OR6B1: variants seen among roughly 807,000 people sequenced by gnomAD.
The protein encoded by OR6B1 is olfactory receptor 6B1.
A neutral mutation model predicts 15.4 loss-of-function variants in OR6B1; 15 were observed. The observed-to-expected ratio is 0.97, with a 90% CI of 0.65 to 1.50. The LOEUF is 1.50. OR6B1 is among the 40% of genes most tolerant of loss of function. The pLI, the probability that OR6B1 is intolerant of heterozygous loss-of-function variation, is 0.00. For missense variants in OR6B1, 384 were observed against 385.0 expected (o/e 1.00, Z 0.02); for synonymous variants, 139 against 144.9 (o/e 0.96, Z 0.29).
rs1222591109 is a variant in OR6B1 at position 144,008,780 on chromosome 7, G to A, written c.*3848G>A. On this transcript the variant is annotated 3_prime_UTR_variant, in exon 2 of 2. Transcript: ENST00000641698. ...ATGTGGAACTGTAAGTCAATTAAACGTTTTTAAAGTAAATTACCCAGTCTT... is the reference window on the plus strand; with the variant it reads ...ATGTGGAACTGTAAGTCAATTAAACATTTTTAAAGTAAATTACCCAGTCTT... 2.0e-5 allele frequency: 3 copies of A among 152,118 alleles called. No homozygotes were observed. The highest frequency in any genetic ancestry group is 2.0e-4 in the South Asian group (1 of 4,894). The allele number at this position is 152,118 out of a possible 1,614,324, so 9.4% of individuals were successfully genotyped here. A position where few individuals can be genotyped will look rare whatever the true frequency, so the allele number is the denominator to read the frequency against.
rs769030344 is a variant in OR6B1, at chr7:144,004,505, G to A, written c.509G>A (p.Gly170Asp). 1.2e-6 allele frequency: 2 copies of A among 1,614,008 alleles called. No individual in the cohort carries two copies. The highest frequency in any genetic ancestry group is 2.2e-5 in the South Asian group (2 of 91,088). Residue 170 changes from glycine (G) to aspartate (D), a missense_variant, in exon 2 of 2, where the codon GGT (glycine) becomes GAT (aspartate). Coordinates refer to ENST00000641698, the MANE Select transcript of OR6B1 (RefSeq NM_001005281.3). Reference protein sequence around the residue: ...IYFISCLSFCGPNVINHFFCD... With the variant: ...IYFISCLSFCDPNVINHFFCD... ...TTCATCTCCTGCCTCAGCTTCTGTG[G>A]TCCCAATGTCATCAACCACTTCTTC...
At chr7:144,001,707 C>T (rs539067001) in intron 1 of OR6B1, among the ~76,000 whole-genome samples, 2 of 152,252 alleles carry the variant, frequency 1.3e-5, no homozygotes, top group Admixed American at 1.3e-4. Context: ...TCTTTCCATC[C>T]ATCTCTTTTC....
chr7:144,004,610 T>A lies in OR6B1; in HGVS notation c.614T>A (p.Val205Asp), dbSNP rs1188423447. 5 of 1,614,074 alleles carry A rather than the reference T, an allele frequency of 3.1e-6. No homozygotes were observed. Among genetic ancestry groups the A allele is most frequent in the Admixed American group, 3.3e-5 (2 of 60,000 alleles). Reference protein sequence around the residue: ...TELVDFILALVIFLFPLFITV... With the variant: ...TELVDFILALDIFLFPLFITV... ...TTGGTAGACTTTATCCTGGCACTGGTCATCTTCCTATTCCCACTCTTTATT... is the reference window on the plus strand; with the variant it reads ...TTGGTAGACTTTATCCTGGCACTGGACATCTTCCTATTCCCACTCTTTATT... The change falls in exon 2 of 2, where the codon GTC becomes GAC. Residue 205 changes from valine (V) to aspartate (D), a missense_variant. Physicochemically the swap from Val to Asp is radical, Grantham distance 152. Transcript: ENST00000641698.
chr7:144,006,319 A>G lies in OR6B1; in HGVS notation c.*1387A>G, dbSNP rs1422049550. On this transcript the variant is annotated 3_prime_UTR_variant, in exon 2 of 2. Coordinates refer to ENST00000641698, the MANE Select transcript of OR6B1 (RefSeq NM_001005281.3). Reference sequence around the variant, plus strand: ...AGAAAACATACTTCTTTAGAAGCCAAGTATGAAAGCTAGTTGTAAAGGAAT... The same window carrying G: ...AGAAAACATACTTCTTTAGAAGCCAGGTATGAAAGCTAGTTGTAAAGGAAT... The G allele has an allele frequency of 6.6e-6, 1 of 152,212 alleles. No homozygotes were observed. Among genetic ancestry groups the G allele is most frequent in the East Asian group, 1.9e-4 (1 of 5,196 alleles). The allele number at this position is 152,212 out of a possible 1,614,324, so 9.4% of individuals were successfully genotyped here. A position where few individuals can be genotyped will look rare whatever the true frequency, so the allele number is the denominator to read the frequency against.
At chr7:144,003,642 A>C (rs1586858974) in intron 1 of OR6B1, among the ~76,000 whole-genome samples, 1 of 152,186 alleles carries the variant, frequency 6.6e-6, no homozygotes, top group East Asian at 1.9e-4. Context: ...CAGATGGTGC[A>C]AGATATTAGA....
rs1249179808 is a variant in OR6B1 at position 144,007,087 on chromosome 7, C to G, written c.*2155C>G. 6.6e-6 allele frequency: 1 copy of G among 152,108 alleles called. No homozygotes were observed. Among genetic ancestry groups the G allele is most frequent in the Non-Finnish European group, 1.5e-5 (1 of 68,014 alleles). The allele number at this position is 152,108 out of a possible 1,614,324, so 9.4% of individuals were successfully genotyped here. ...CCTGGGAGGCTACAACTATCAGAGG[C>G]AGTTTATTTCTTTATTATTTCTCAT... On this transcript the variant is annotated 3_prime_UTR_variant, in exon 2 of 2. Coordinates refer to ENST00000641698, the MANE Select transcript of OR6B1 (RefSeq NM_001005281.3).
intron 1 of OR6B1, among the ~76,000 whole-genome samples, chr7:144,001,646 A>G (rs1429149278): frequency 1.3e-5 from 2 of 152,166 alleles, no homozygotes; most frequent in Non-Finnish European, 2.9e-5. Context: ...TAATTCTTAA[A>G]TGCCTCACTA....
Position 144,005,404 on chromosome 7 carries a change from A to G in OR6B1, c.*472A>G, listed in dbSNP as rs2050617904. Reference sequence around the variant, plus strand: ...AGAGACTGCTTCCTGAGTTTTTGCAACACTTTTTGCAAGCACTTACTAACC... The same window carrying G: ...AGAGACTGCTTCCTGAGTTTTTGCAGCACTTTTTGCAAGCACTTACTAACC... On this transcript the variant is annotated 3_prime_UTR_variant, in exon 2 of 2. Transcript: ENST00000641698. The G allele has an allele frequency of 6.4e-6, 1 of 156,302 alleles. No homozygotes were observed. The highest frequency in any genetic ancestry group is 2.4e-5 in the African/African-American group (1 of 41,486). The allele number at this position is 156,302 out of a possible 1,614,324, so 9.7% of individuals were successfully genotyped here.
At chr7:144,003,923 A>G (rs550091778) in intron 1 of OR6B1, 49 bp from the exon 2 acceptor site, 3 of 994,176 alleles carry the variant, frequency 3.0e-6, no homozygotes, top group East Asian at 4.9e-5. Context: ...CAAGTATGGA[A>G]AAATATAGCT....
Position 144,006,929 on chromosome 7 carries a change from C to T in OR6B1, c.*1997C>T, listed in dbSNP as rs572476912. 9.2e-5 allele frequency: 14 copies of T among 152,234 alleles called. No homozygotes were observed. The East Asian group carries it at 2.3e-3, about 25-fold the overall frequency. 9.4% of individuals were successfully genotyped at this position (152,234 alleles called of 1,614,324 possible). On this transcript the variant is annotated 3_prime_UTR_variant, in exon 2 of 2. Coordinates refer to ENST00000641698, the MANE Select transcript of OR6B1 (RefSeq NM_001005281.3). ...GACATTGATTGTTAAATATCTTGGG[C>T]AGTGCATGATCTAAGCAAGCTGCCA...
rs1278186169 is a variant in OR6B1 at position 144,004,070 on chromosome 7, C to A, written c.74C>A (p.Ala25Glu). The part of the protein sequence containing the change: ...VGFPGSLSMR[A>E]AMFLIFLVAY... Reference sequence around the variant, plus strand: ...TTCCCTGGGAGCTTGAGTATGCGGGCAGCCATGTTTCTGATATTCCTTGTG... The same window carrying A: ...TTCCCTGGGAGCTTGAGTATGCGGGAAGCCATGTTTCTGATATTCCTTGTG... Residue 25 changes from alanine (A) to glutamate (E), a missense_variant, in exon 2 of 2, where the codon GCA (alanine) becomes GAA (glutamate). By Grantham distance (107) the Ala-to-Glu change is moderately radical (BLOSUM62 -1). Coordinates refer to ENST00000641698, the MANE Select transcript of OR6B1 (RefSeq NM_001005281.3). 1 of 1,614,034 alleles carries A rather than the reference C, an allele frequency of 6.2e-7. No individual in the cohort carries two copies. Among genetic ancestry groups the A allele is most frequent in the Non-Finnish European group, 8.5e-7 (1 of 1,179,994 alleles).
chr7:144,000,976 C>T (rs917708756), intron 1 of OR6B1, among the ~76,000 whole-genome samples: 2 of 152,218 alleles, frequency 1.3e-5, no homozygotes, highest in African/African-American at 2.4e-5. Context: ...GTGCTGCAAC[C>T]ACCACATCTT....
At chr7:144,003,773 T>TCTCACACACACA (rs1554405844) in intron 1 of OR6B1, among the ~76,000 whole-genome samples, 199 bp from the exon 2 acceptor site, 19 of 140,230 alleles carry the variant, frequency 1.4e-4, no homozygotes, top group Admixed American at 5.1e-4. Context: ...ACAGATACAA[T>TCTCACACACACA]CACACACACA....
chr7:144,003,449 T>G (rs10246751), intron 1 of OR6B1, among the ~76,000 whole-genome samples: 2 of 151,836 alleles, frequency 1.3e-5, no homozygotes, highest in East Asian at 3.9e-4. Context: ...CCCAAATCTC[T>G]GCTACTCACT....
In OR6B1 at chr7:144,004,591, G is replaced by A. The variant is rs2050610349; in HGVS notation, c.595G>A (p.Asp199Asn). Residue 199 changes from aspartate (D) to asparagine (N), a missense_variant, in exon 2 of 2, where the codon GAC (aspartate) becomes AAC (asparagine). Coordinates refer to ENST00000641698, the MANE Select transcript of OR6B1 (RefSeq NM_001005281.3). ...AGACATGTCCATAACTGAGTTGGTA[G>A]ACTTTATCCTGGCACTGGTCATCTT... is the stretch of plus-strand genomic sequence containing the variant. ...CTDMSITELVDFILALVIFLF... is the reference protein window; with the variant it reads ...CTDMSITELVNFILALVIFLF... The A allele has an allele frequency of 3.7e-6, 6 of 1,614,052 alleles. No individual in the cohort carries two copies. Among genetic ancestry groups the A allele is most frequent in the Non-Finnish European group, 5.1e-6 (6 of 1,180,012 alleles).
chr7:144,004,006 G>C lies in OR6B1; in HGVS notation c.10G>C (p.Glu4Gln). 3.7e-6 allele frequency: 6 copies of C among 1,609,556 alleles called. No homozygotes were observed. Among genetic ancestry groups the C allele is most frequent in the Non-Finnish European group, 5.1e-6 (6 of 1,177,650 alleles). ...GCCCTGTGTCTCCAATATGGAGTTG[G>C]AGAACCAGACACGAGTCACCAAGTT... MEL[E>Q]NQTRVTKFIL... Residue 4 changes from glutamate (E) to glutamine (Q), a missense_variant, in exon 2 of 2, where the codon GAG becomes CAG. Coordinates refer to ENST00000641698, the MANE Select transcript of OR6B1 (RefSeq NM_001005281.3).
In OR6B1 at chr7:144,005,943, A is replaced by G. The variant is rs2050621270; in HGVS notation, c.*1011A>G. 3 of 152,256 alleles carry G rather than the reference A, an allele frequency of 2.0e-5. No homozygotes were observed. In the South Asian group the frequency reaches 6.2e-4, roughly 32 times the overall value. The allele number at this position is 152,256 out of a possible 1,614,324, so 9.4% of individuals were successfully genotyped here. A position where few individuals can be genotyped will look rare whatever the true frequency, so the allele number is the denominator to read the frequency against. On this transcript the variant is annotated 3_prime_UTR_variant, in exon 2 of 2. Transcript: ENST00000641698. ...ACATAGATATGCTTGCTCTTGGTTC[A>G]TAGTTTTGCCATTGGCAAAGGGAGA... is the stretch of plus-strand genomic sequence containing the variant.
Position 144,008,587 on chromosome 7 carries a change from T to G in OR6B1, c.*3655T>G, listed in dbSNP as rs574486943. On this transcript the variant is annotated 3_prime_UTR_variant, in exon 2 of 2. Coordinates refer to ENST00000641698, the MANE Select transcript of OR6B1 (RefSeq NM_001005281.3). ...TTGCATCATGGGGGTGGTTCCCCCA[T>G]GCTGTTCTCATGATAGTGAGTGAGT... is the stretch of plus-strand genomic sequence containing the variant. 1 of 152,290 alleles carries G rather than the reference T, an allele frequency of 6.6e-6. No individual in the cohort carries two copies. The highest frequency in any genetic ancestry group is 1.5e-5 in the Non-Finnish European group (1 of 68,050). 9.4% of individuals were successfully genotyped at this position (152,290 alleles called of 1,614,324 possible). A position where few individuals can be genotyped will look rare whatever the true frequency, so the allele number is the denominator to read the frequency against.
rs529520778 is a variant in OR6B1 at position 144,004,471 on chromosome 7, A to G, written c.475A>G (p.Lys159Glu). The G allele has an allele frequency of 1.2e-6, 2 of 1,614,088 alleles. No homozygotes were observed. Among genetic ancestry groups the G allele is most frequent in the South Asian group, 2.2e-5 (2 of 91,074 alleles). ...CATTGGCTTTGGCATCTCCCTGGCG[A>G]AGATCTACTTCATCTCCTGCCTCAG... ...WAIGFGISLA[K>E]IYFISCLSFC... Residue 159 changes from lysine (K) to glutamate (E), a missense_variant, in exon 2 of 2, where the codon AAG becomes GAG. By Grantham distance (56) the Lys-to-Glu change is moderately conservative (BLOSUM62 1). Coordinates refer to ENST00000641698, the MANE Select transcript of OR6B1 (RefSeq NM_001005281.3).
Sources: allele counts gnomAD v4.1 joint callset (sites outside exome capture counted in the v4.1 genomes callset), GRCh38; gene constraint gnomAD v4.1.1; transcripts MANE v1.5; gene names NCBI Gene and HGNC (gene_info 2026-07-23, HGNC 2026-07-21).